ICAM3: variants seen among roughly 807,000 people sequenced by gnomAD.
ICAM3 encodes the protein intercellular adhesion molecule 3.
Under a neutral mutation model 43.6 loss-of-function variants are expected in ICAM3, and 54 were observed. The observed-to-expected ratio is 1.24, with a 90% confidence interval of 0.99 to 1.55. The LOEUF (loss-of-function observed/expected upper bound fraction) is 1.55. Among genes scored for constraint, ICAM3 ranks in the 40% most tolerant of loss-of-function variants. The pLI is 0.00. For missense variants in ICAM3, 715 were observed against 717.9 expected (o/e 1.00, Z 0.05); for synonymous variants, 306 against 312.6 (o/e 0.98, Z 0.22).
At position 10,333,950 on chromosome 19, in the gene ICAM3, G is replaced by A. The variant is rs1250833617; in HGVS notation, c.1551C>T (p.Gly517=). The A allele has an allele frequency of 3.7e-6, 6 of 1,614,008 alleles. No homozygotes were observed. In the South Asian group the frequency reaches 5.5e-5, roughly 15 times the overall value. ...MYVFREHQRS[G]SYHVREESTY... ...TGCTCTCCTCCCTAACATGGTAACTGCCGCTCCGTTGGTGCTCCCTGAAGA... is the reference window on the plus strand; with the variant it reads ...TGCTCTCCTCCCTAACATGGTAACTACCGCTCCGTTGGTGCTCCCTGAAGA... The change falls in exon 7 of 7, where the codon GGC becomes GGT. Residue 517 remains glycine (G), a synonymous_variant. Transcript: ENST00000160262. This position sits in a 1 kb window ranked among gnomAD's most constrained non-coding sequence, Gnocchi z 4.2.
chr19:10,339,276 A>T, intron 1 of ICAM3: 1 of 580,248 alleles, frequency 1.7e-6, no homozygotes, highest in Non-Finnish European at 3.1e-6. Context: ...CGCAAAGGGC[A>T]AATTTCAGGA....
At chr19:10,338,272 G>A (rs2040618994) in intron 2 of ICAM3, among the ~76,000 whole-genome samples, 1 of 151,754 alleles carries the variant, frequency 6.6e-6, no homozygotes, top group African/African-American at 2.4e-5. Flanking sequence ...GTGTGGTGGC[G>A]TGCATGTGTA....
intron 2 of ICAM3, 40 bp downstream of exon 2, chr19:10,338,642 C>G: frequency 6.2e-7 from 1 of 1,603,388 alleles, no homozygotes; most frequent in Non-Finnish European, 8.5e-7. Context: ...GCCCACACCA[C>G]TACCCAAGAC....
In ICAM3 at chr19:10,335,481, T is replaced by G. The variant is rs1038728275; in HGVS notation, c.650-128A>C. 4 of 1,125,130 alleles carry G rather than the reference T, an allele frequency of 3.6e-6. No homozygotes were observed. The African/African-American group carries it at 6.3e-5, about 18-fold the overall frequency. The allele number at this position is 1,125,130 out of a possible 1,614,324, so 69.7% of individuals were successfully genotyped here. A position where few individuals can be genotyped will look rare whatever the true frequency, so the allele number is the denominator to read the frequency against. ...TTCACAGGACACACACACAGGGCCA[T>G]GAAAACGGCCTTCTTCAAAGATCCC... is the stretch of plus-strand genomic sequence containing the variant. On this transcript the variant is annotated intron_variant, in intron 3 of 6. Transcript: ENST00000160262.
chr19:10,339,210 T>C, intron 1 of ICAM3: 1 of 586,204 alleles, frequency 1.7e-6, no homozygotes, highest in Admixed American at 3.1e-5. Context: ...AACTGAAGGC[T>C]AAGTAGGAGT....
In ICAM3 at chr19:10,333,949, T is replaced by A; in HGVS notation, c.1552A>T (p.Ser518Cys). The A allele has an allele frequency of 6.2e-7, 1 of 1,614,162 alleles. No homozygotes were observed. The highest frequency in any genetic ancestry group is 8.5e-7 in the Non-Finnish European group (1 of 1,180,034). The change falls in exon 7 of 7, where the codon AGT becomes TGT. Residue 518 changes from serine (S) to cysteine (C), a missense_variant. By Grantham distance (112) the Ser-to-Cys change is moderately radical (BLOSUM62 -1). Coordinates refer to ENST00000160262, the MANE Select transcript of ICAM3 (RefSeq NM_002162.5). The surrounding 1 kb of genome is among the most constrained non-coding windows in gnomAD (Gnocchi z 4.2). ...GTGCTCTCCTCCCTAACATGGTAAC[T>A]GCCGCTCCGTTGGTGCTCCCTGAAG... ...YVFREHQRSG[S>C]YHVREESTYL...
In ICAM3 at chr19:10,335,231, G is replaced by A. The variant is rs770797192; in HGVS notation, c.772C>T (p.Leu258=). 3 of 1,613,822 alleles carry A rather than the reference G, an allele frequency of 1.9e-6. No individual in the cohort carries two copies. Among genetic ancestry groups the A allele is most frequent in the Non-Finnish European group, 2.5e-6 (3 of 1,180,026 alleles). ...GTCGCATTCAGCATCTGGTCCCCCA[G>A]CGCCAGGTAGACCTGGGCCTCTGAG... The part of the protein sequence containing the change: ...PASEAQVYLA[L]GDQMLNATVM... The change falls in exon 4 of 7, where the codon CTG becomes TTG. Residue 258 remains leucine (L), a synonymous_variant. Coordinates refer to ENST00000160262, the MANE Select transcript of ICAM3 (RefSeq NM_002162.5).
At chr19:10,337,272 C>T (rs182038400) in intron 2 of ICAM3, among the ~76,000 whole-genome samples, 20 of 100,846 alleles carry the variant, frequency 2.0e-4, no homozygotes, top group South Asian at 3.5e-4. Context: ...CAAAAATTAG[C>T]TGGGCGTGTT....
chr19:10,335,409 C>T, intron 3 of ICAM3, 56 bp from the exon 4 acceptor site: 2 of 1,436,898 alleles, frequency 1.4e-6, no homozygotes, highest in Non-Finnish European at 1.9e-6. Context: ...CCCCAGGACA[C>T]CCTCATCCCC....
Position 10,335,969 on chromosome 19 carries a change from C to T in ICAM3, c.351G>A (p.Pro117=), listed in dbSNP as rs767321947. ...GCAGGGGTGCCAGCTCCACACGCTC[C>T]GGGAGCCCTGAGAGAGGAGGGGAGG... is the stretch of plus-strand genomic sequence containing the variant. The part of the protein sequence containing the change: ...GSSNITVYRL[P]ERVELAPLPP... The change falls in exon 3 of 7, where the codon CCG becomes CCA. Residue 117 remains proline (P), a synonymous_variant. Coordinates refer to ENST00000160262, the MANE Select transcript of ICAM3 (RefSeq NM_002162.5). The T allele has an allele frequency of 7.7e-6, 12 of 1,555,752 alleles. No homozygotes were observed. The African/African-American group carries it at 1.3e-4, about 17-fold the overall frequency.
intron 2 of ICAM3, chr19:10,336,224 T>A (rs1599313073): frequency 1.1e-5 from 5 of 460,984 alleles, no homozygotes; most frequent in African/African-American, 1.9e-5. Flanking sequence ...GATGGCACAA[T>A]AAAAAAAAAT....
rs374953809 is a variant in ICAM3, at chr19:10,334,460, G to C, written c.1193-52C>G. Reference sequence around the variant, plus strand: ...CACCCAACACACCCGAGGCACAGTGGTGCAGAGGAGCGTCTAATCTTTCCA... The same window carrying C: ...CACCCAACACACCCGAGGCACAGTGCTGCAGAGGAGCGTCTAATCTTTCCA... On this transcript the variant is annotated intron_variant, in intron 5 of 6. Transcript: ENST00000160262. This position sits in a 1 kb window ranked among gnomAD's most constrained non-coding sequence, Gnocchi z 5.5. 93 of 1,609,058 alleles carry C rather than the reference G, an allele frequency of 5.8e-5. No homozygotes were observed. Among genetic ancestry groups the C allele is most frequent in the Non-Finnish European group, 7.9e-5 (93 of 1,176,582 alleles).
intron 2 of ICAM3, 190 bp from the exon 3 acceptor site, chr19:10,336,166 G>GT: frequency 3.5e-6 from 2 of 575,292 alleles, no homozygotes; most frequent in Non-Finnish European, 6.1e-6. Flanking sequence ...CATTTCCTGT[G>GT]TTGTCAGATA....
chr19:10,335,130 C>T lies in ICAM3; in HGVS notation c.873G>A (p.Glu291=), dbSNP rs3181047. ...TARADQEGAR[E]IVCNVTLGGE... is the part of the protein sequence containing the mutation. ...CCCCTAGGGTCACGTTGCAGACGAT[C>T]TCCCGGGCACCCTCCTGATCCGCGC... Residue 291 remains glutamate, a synonymous_variant, in exon 4 of 7, where the codon GAG becomes GAA. Transcript: ENST00000160262. 4.1e-3 allele frequency: 6,677 copies of T among 1,613,808 alleles called. 125 individuals carry two copies. In the East Asian group the frequency reaches 0.057, roughly 14 times the overall value.
intron 1 of ICAM3, 36 bp downstream of exon 1, chr19:10,339,503 G>A (rs763388028): frequency 1.9e-6 from 3 of 1,587,312 alleles, no homozygotes; most frequent in Non-Finnish European, 2.6e-6. Context: ...CCAAAACGCA[G>A]CCCTCTCCAG....
chr19:10,336,056 G>A, intron 2 of ICAM3, 80 bp from the exon 3 acceptor site: 1 of 1,343,706 alleles, frequency 7.4e-7, no homozygotes, highest in Non-Finnish European at 1.0e-6. Flanking sequence ...AGGAGACAGG[G>A]TGGTCCTGCC....
Position 10,335,201 on chromosome 19 carries a change from T to C in ICAM3, c.802A>G (p.Met268Val). The change falls in exon 4 of 7, where the codon ATG becomes GTG. Residue 268 changes from methionine (M) to valine (V), a missense_variant. Met to Val is a conservative substitution (Grantham distance 21). Transcript: ENST00000160262. ...LGDQMLNATV[M>V]NHGDTLTATA... is the part of the protein sequence containing the mutation. ...GCCGTTAGCGTGTCCCCGTGGTTCA[T>C]GACTGTCGCATTCAGCATCTGGTCC... The C allele has an allele frequency of 6.2e-7, 1 of 1,613,880 alleles. No individual in the cohort carries two copies. The highest frequency in any genetic ancestry group is 8.5e-7 in the Non-Finnish European group (1 of 1,180,024).
At position 10,334,625 on chromosome 19, in the gene ICAM3, G is replaced by A; in HGVS notation, c.1095C>T (p.Thr365=). 6.2e-7 allele frequency: 1 copy of A among 1,613,674 alleles called. No homozygotes were observed. Among genetic ancestry groups the A allele is most frequent in the Non-Finnish European group, 8.5e-7 (1 of 1,180,020 alleles). The change falls in exon 5 of 7, where the codon ACC becomes ACT. Residue 365 remains threonine, a synonymous_variant. Transcript: ENST00000160262. This position sits in a 1 kb window ranked among gnomAD's most constrained non-coding sequence, Gnocchi z 5.5. The part of the protein sequence containing the change: ...GQPAQLQLNA[T]ESDDGRSFFC... ...AGAAGCTGCGTCCGTCGTCACTCTC[G>A]GTAGCATTTAGCTGAAGTTGAGCTG...
intron 2 of ICAM3, 78 bp from the exon 3 acceptor site, chr19:10,336,054 G>A (rs1016283878): frequency 1.5e-6 from 2 of 1,345,606 alleles, no homozygotes; most frequent in African/African-American, 2.9e-5. Context: ...GGAGGAGACA[G>A]GGTGGTCCTG....
Sources: gnomAD v4.1 joint callset for allele counts (sites outside exome capture counted in the v4.1 genomes callset) on GRCh38, gnomAD v4.1.1 for gene constraint, Gnocchi (gnomAD v3.1) non-coding constraint, MANE v1.5 for transcripts, NCBI Gene and HGNC (gene_info 2026-07-23, HGNC 2026-07-21) for gene names.